Variants in HCFC2 observed in about 807,000 individuals in gnomAD.
HCFC2 encodes the protein host cell factor 2.
In HCFC2, 18 loss-of-function variants were observed where a neutral mutation model predicts 89.2. That is an observed-to-expected ratio of 0.20 (90% CI 0.14 to 0.30). The LOEUF (loss-of-function observed/expected upper bound fraction) is 0.30. HCFC2 is among the 10% of genes least tolerant of loss of function. The probability of loss-of-function intolerance (pLI) is 1.00; values close to 1 mark genes in which losing one functional copy is unlikely to be tolerated. For missense variants in HCFC2, 578 were observed against 956.1 expected (o/e 0.60, Z 5.21); for synonymous variants, 308 against 335.7 (o/e 0.92, Z 0.90).
At chr12:104,099,186 G>C (rs1433466820) in intron 13 of HCFC2, among the ~76,000 whole-genome samples, 2 of 151,988 alleles carry the variant, frequency 1.3e-5, no homozygotes, top group Non-Finnish European at 2.9e-5. Context: ...CGTGGAGTGG[G>C]GAGGTGCCAC....
At position 104,103,085 on chromosome 12, in the gene HCFC2, A is replaced by G; in HGVS notation, c.2191A>G (p.Met731Val). The change falls in exon 15 of 15, where the codon ATG becomes GTG. Residue 731 changes from methionine to valine, a missense_variant. Transcript: ENST00000229330. ...AGATAATCCAAGTCAACTTGTGTTCATGAGGATTTATTGTGGTCTTAAGAC... is the reference window on the plus strand; with the variant it reads ...AGATAATCCAAGTCAACTTGTGTTCGTGAGGATTTATTGTGGTCTTAAGAC... ...IQDNPSQLVF[M>V]RIYCGLKTSC... 6.2e-7 allele frequency: 1 copy of G among 1,614,106 alleles called. No individual in the cohort carries two copies. Among genetic ancestry groups the G allele is most frequent in the Non-Finnish European group, 8.5e-7 (1 of 1,179,962 alleles).
intron 12 of HCFC2, chr12:104,097,482 G>C (rs1458342267): frequency 6.3e-6 from 1 of 158,898 alleles, no homozygotes; most frequent in Non-Finnish European, 1.3e-5. Context: ...ATGAAAACAA[G>C]TTTAAAGCTA....
rs2030021370 is a variant in HCFC2, at chr12:104,103,979, C to T, written c.*706C>T. 1 of 151,982 alleles carries T rather than the reference C, an allele frequency of 6.6e-6. No homozygotes were observed. The highest frequency in any genetic ancestry group is 2.4e-5 in the African/African-American group (1 of 41,412). 9.4% of individuals were successfully genotyped at this position (151,982 alleles called of 1,614,324 possible). Reference sequence around the variant, plus strand: ...GCCAAAGCACTTAACTTATCTGGCCCTCATTTTCCTCATAACAGATGAGGG... The same window carrying T: ...GCCAAAGCACTTAACTTATCTGGCCTTCATTTTCCTCATAACAGATGAGGG... On this transcript the variant is annotated 3_prime_UTR_variant, in exon 15 of 15. Coordinates refer to ENST00000229330, the MANE Select transcript of HCFC2 (RefSeq NM_013320.3).
chr12:104,105,258 T>G lies in HCFC2; in HGVS notation c.*1985T>G, dbSNP rs950790024. Reference sequence around the variant, plus strand: ...GTTTCAAGCCCAGTTATTTTAAAGATCTATTGCTTTAATAGAAAAAGTTTG... The same window carrying G: ...GTTTCAAGCCCAGTTATTTTAAAGAGCTATTGCTTTAATAGAAAAAGTTTG... On this transcript the variant is annotated 3_prime_UTR_variant, in exon 15 of 15. Coordinates refer to ENST00000229330, the MANE Select transcript of HCFC2 (RefSeq NM_013320.3). The G allele has an allele frequency of 6.6e-6, 1 of 152,112 alleles. No homozygotes were observed. The highest frequency in any genetic ancestry group is 6.5e-5 in the Admixed American group (1 of 15,274). 9.4% of individuals were successfully genotyped at this position (152,112 alleles called of 1,614,324 possible).
At chr12:104,065,065 T>C in intron 1 of HCFC2, 1 of 211,034 alleles carries the variant, frequency 4.7e-6, no homozygotes, top group Non-Finnish European at 9.3e-6. Flanking sequence ...CTCGCCTCTG[T>C]CAAAAAACAA....
intron 3 of HCFC2, among the ~76,000 whole-genome samples, chr12:104,072,117 A>G (rs1014823376): frequency 6.6e-6 from 1 of 152,226 alleles, no homozygotes; most frequent in Non-Finnish European, 1.5e-5. Flanking sequence ...TCACGCCCAT[A>G]ATCCCAGTAC....
chr12:104,101,316 T>A (rs999917167), intron 13 of HCFC2, among the ~76,000 whole-genome samples: 1 of 152,140 alleles, frequency 6.6e-6, no homozygotes, highest in Non-Finnish European at 1.5e-5. Flanking sequence ...AAACCCCGTC[T>A]CTACTGAAAA....
Position 104,105,341 on chromosome 12 carries a change from C to T in HCFC2, c.*2068C>T, listed in dbSNP as rs1394217183. The T allele has an allele frequency of 6.6e-6, 1 of 151,914 alleles. No individual in the cohort carries two copies. The highest frequency in any genetic ancestry group is 6.5e-5 in the Admixed American group (1 of 15,270). The allele number at this position is 151,914 out of a possible 1,614,324, so 9.4% of individuals were successfully genotyped here. A position where few individuals can be genotyped will look rare whatever the true frequency, so the allele number is the denominator to read the frequency against. ...CAACGTGCATCTTGAAGCCCTTCTCCTGATAACAAGGAATAAGTTGATTTT... is the reference window on the plus strand; with the variant it reads ...CAACGTGCATCTTGAAGCCCTTCTCTTGATAACAAGGAATAAGTTGATTTT... On this transcript the variant is annotated 3_prime_UTR_variant, in exon 15 of 15. Coordinates refer to ENST00000229330, the MANE Select transcript of HCFC2 (RefSeq NM_013320.3).
At chr12:104,079,805 T>C (rs1883624991) in intron 4 of HCFC2, 152 bp downstream of exon 4, 1 of 635,158 alleles carries the variant, frequency 1.6e-6, no homozygotes, top group African/African-American at 1.8e-5. Flanking sequence ...GAATGGTTGC[T>C]GATAAATCAG....
Position 104,064,580 on chromosome 12 carries a change from T to C in HCFC2, c.20T>C (p.Leu7Pro). ...GGGAAGATGGCGGCTCCCAGCCTCC[T>C]CAACTGGAGGCGAGTTTCTTCCTTC... Reference protein sequence around the residue: MAAPSLLNWRRVSSFTG... With the variant: MAAPSLPNWRRVSSFTG... The change falls in exon 1 of 15, where the codon CTC (leucine) becomes CCC (proline). Residue 7 changes from leucine to proline, a missense_variant. By Grantham distance (98) the Leu-to-Pro change is moderately conservative (BLOSUM62 -3). Coordinates refer to ENST00000229330, the MANE Select transcript of HCFC2 (RefSeq NM_013320.3). This position sits in a 1 kb window ranked among gnomAD's most constrained non-coding sequence, Gnocchi z 7.3. 3 of 1,557,198 alleles carry C rather than the reference T, an allele frequency of 1.9e-6. No homozygotes were observed. Among genetic ancestry groups the C allele is most frequent in the Non-Finnish European group, 2.6e-6 (3 of 1,154,488 alleles).
rs1884135105 is a variant in HCFC2, at chr12:104,095,050, AC to A, written c.1463-308del. Among the ~76,000 whole-genome samples, 1 of 152,038 alleles carries A rather than the reference AC, an allele frequency of 6.6e-6. No individual in the cohort carries two copies. The highest frequency in any genetic ancestry group is 1.5e-5 in the Non-Finnish European group (1 of 67,994). ...AAATTGAGATAATTCATGCTTAATG[AC>A]CTCTAATATTTTTTTCCTGAAATGA... On this transcript the variant is annotated intron_variant, in intron 10 of 14. Transcript: ENST00000229330. The surrounding 1 kb of genome is among the most constrained non-coding windows in gnomAD (Gnocchi z 4.2).
intron 14 of HCFC2, 112 bp downstream of exon 14, chr12:104,102,265 C>A: frequency 2.3e-6 from 2 of 873,672 alleles, no homozygotes; most frequent in Non-Finnish European, 3.5e-6. Context: ...ATGAGAGATA[C>A]CTAAAAGGAT....
rs773690597 is a variant in HCFC2, at chr12:104,086,832, A to C, written c.1064-15A>C. On this transcript the variant is annotated splice_polypyrimidine_tract_variant and intron_variant, in intron 7 of 14. Transcript: ENST00000229330. ...ACTGGAAACTTAAATGTATAATATC[A>C]TGATTGTTCTATAGAGAAACCACCG... 2 of 1,611,026 alleles carry C rather than the reference A, an allele frequency of 1.2e-6. No individual in the cohort carries two copies. The highest frequency in any genetic ancestry group is 2.2e-5 in the South Asian group (2 of 90,896).
At chr12:104,072,870 T>A (rs1468810152) in intron 3 of HCFC2, among the ~76,000 whole-genome samples, 1 of 152,018 alleles carries the variant, frequency 6.6e-6, no homozygotes, top group Non-Finnish European at 1.5e-5. Context: ...GGTCTCGATC[T>A]CCTGACCTCG....
chr12:104,090,305 T>C (rs868138512), intron 9 of HCFC2, among the ~76,000 whole-genome samples: 1 of 152,196 alleles, frequency 6.6e-6, no homozygotes, highest in Non-Finnish European at 1.5e-5. Flanking sequence ...TTGAAAAGTG[T>C]GATGCCATTT....
At chr12:104,092,269 C>A (rs998807978) in intron 9 of HCFC2, among the ~76,000 whole-genome samples, 1 of 152,062 alleles carries the variant, frequency 6.6e-6, no homozygotes, top group African/African-American at 2.4e-5. Flanking sequence ...AGTTCAAGAC[C>A]AGCCTTGACA....
chr12:104,078,362 C>T (rs1008895151), intron 3 of HCFC2, among the ~76,000 whole-genome samples: 3 of 152,016 alleles, frequency 2.0e-5, no homozygotes, highest in East Asian at 3.9e-4. Flanking sequence ...AATTATTTTC[C>T]GCAAAACAAT....
rs1386839633 is a variant in HCFC2 at position 104,105,585 on chromosome 12, T to C, written c.*2312T>C. 1 of 151,862 alleles carries C rather than the reference T, an allele frequency of 6.6e-6. No individual in the cohort carries two copies. Among genetic ancestry groups the C allele is most frequent in the Non-Finnish European group, 1.5e-5 (1 of 67,880 alleles). 9.4% of individuals were successfully genotyped at this position (151,862 alleles called of 1,614,324 possible). A position where few individuals can be genotyped will look rare whatever the true frequency, so the allele number is the denominator to read the frequency against. On this transcript the variant is annotated 3_prime_UTR_variant, in exon 15 of 15. Transcript: ENST00000229330. ...GAGACTTAGCCCAGATTCTATTTTTTTTTTTTTTTTGGCATTTGTACATTA... is the reference window on the plus strand; with the variant it reads ...GAGACTTAGCCCAGATTCTATTTTTCTTTTTTTTTTGGCATTTGTACATTA...
At position 104,082,897 on chromosome 12, in the gene HCFC2, T is replaced by C. The variant is rs1351981210; in HGVS notation, c.1059T>C (p.Asp353=). ...GCTGCAAGGATCTTTGGTATCTTGA[T>C]ACTGGTAGGTAAGAATATTTAACAA... is the stretch of plus-strand genomic sequence containing the variant. ...QVCCKDLWYL[D]TEKPPAPSQV... The change falls in exon 7 of 15, where the codon GAT becomes GAC. Residue 353 remains aspartate, a synonymous_variant. Transcript: ENST00000229330. The C allele has an allele frequency of 6.3e-7, 1 of 1,591,846 alleles. No homozygotes were observed. The highest frequency in any genetic ancestry group is 2.2e-5 in the East Asian group (1 of 44,628).
Sources: gnomAD v4.1 joint callset for allele counts (sites outside exome capture counted in the v4.1 genomes callset) on GRCh38, gnomAD v4.1.1 for gene constraint, Gnocchi (gnomAD v3.1) non-coding constraint, MANE v1.5 for transcripts, NCBI Gene and HGNC (gene_info 2026-07-23, HGNC 2026-07-21) for gene names.